The following NCAM2 variants were observed in gnomAD, a reference collection of about 807,000 sequenced individuals.
The protein encoded by NCAM2 is neural cell adhesion molecule 2, also known as N-CAM-2.
A neutral mutation model predicts 98.1 loss-of-function variants in NCAM2; 30 were observed. That is an observed-to-expected ratio of 0.31 (90% CI 0.23 to 0.41). NCAM2 has a LOEUF of 0.41. Among genes scored for constraint, NCAM2 ranks in the 10% least tolerant of loss-of-function variants. The pLI is 1.00. For synonymous variants in NCAM2, 368 were observed against 342.4 expected, an observed-to-expected ratio of 1.07 and a Z score of -0.83; for missense variants, 867 against 1,005.8, an observed-to-expected ratio of 0.86 and a Z score of 1.87.
chr21:21,123,380 G>A (rs1008043080), intron 1 of NCAM2, among the ~76,000 whole-genome samples: 1 of 138,966 alleles, frequency 7.2e-6, no homozygotes, highest in African/African-American at 2.7e-5. Context: ...CTGGGAGACA[G>A]AGCGAAGAGA....
intron 1 of NCAM2, among the ~76,000 whole-genome samples, chr21:21,103,613 C>T (rs1269605715): frequency 6.6e-6 from 1 of 152,006 alleles, no homozygotes; most frequent in Non-Finnish European, 1.5e-5. Flanking sequence ...ATCCATAATG[C>T]TTCTGTACTT....
intron 7 of NCAM2, among the ~76,000 whole-genome samples, chr21:21,337,928 C>T (rs973185127): frequency 1.3e-5 from 2 of 151,944 alleles, no homozygotes; most frequent in African/African-American, 2.4e-5. Context: ...ATTGTTAAAG[C>T]TTAAGAGAGA....
chr21:21,058,225 AT>A (rs1601234027), intron 1 of NCAM2, among the ~76,000 whole-genome samples: 1 of 31,486 alleles, frequency 3.2e-5, no homozygotes, highest in Non-Finnish European at 1.2e-4. Flanking sequence ...AAAACAAGAT[AT>A]AAAACAGCAG....
intron 12 of NCAM2, among the ~76,000 whole-genome samples, chr21:21,452,309 A>G (rs1007808094): frequency 6.7e-6 from 1 of 149,216 alleles, no homozygotes; most frequent in Non-Finnish European, 1.5e-5. Context: ...ATCTTAATTG[A>G]AATGATATAT....
intron 8 of NCAM2, among the ~76,000 whole-genome samples, chr21:21,360,084 A>G (rs986612177): frequency 6.6e-6 from 1 of 151,946 alleles, no homozygotes; most frequent in Non-Finnish European, 1.5e-5. Context: ...AAAAGAATAC[A>G]TTTGATGAAT....
At chr21:21,471,714 T>C (rs1334272771) in intron 14 of NCAM2, among the ~76,000 whole-genome samples, 9 of 152,020 alleles carry the variant, frequency 5.9e-5, no homozygotes, top group African/African-American at 1.9e-4. Context: ...AGCCTTTAAT[T>C]TGGGTTTCAC....
chr21:21,350,864 G>GATC (rs1386943892), intron 8 of NCAM2, among the ~76,000 whole-genome samples: 26 of 150,332 alleles, frequency 1.7e-4, no homozygotes, highest in Admixed American at 8.6e-4. Flanking sequence ...GAGGCAGGTG[G>GATC]ATCACGAGGT....
intron 1 of NCAM2, among the ~76,000 whole-genome samples, chr21:21,179,802 C>G (rs2068411228): frequency 6.6e-6 from 1 of 152,162 alleles, no homozygotes; most frequent in Admixed American, 6.5e-5. Flanking sequence ...TCAGACATAT[C>G]CCCAGGATGT....
chr21:21,149,729 A>T (rs1222605266), intron 1 of NCAM2, among the ~76,000 whole-genome samples: 1 of 152,024 alleles, frequency 6.6e-6, no homozygotes, highest in Non-Finnish European at 1.5e-5. Context: ...CCATGTCCTT[A>T]CAAAGGACAT....
intron 1 of NCAM2, among the ~76,000 whole-genome samples, chr21:21,083,378 A>T (rs1175074647): frequency 6.6e-6 from 1 of 150,480 alleles, no homozygotes; most frequent in African/African-American, 2.4e-5. Context: ...ATAGATATCC[A>T]AGCCGAACTT....
chr21:21,537,897 T>A lies in NCAM2; in HGVS notation c.2454T>A (p.Thr818=), dbSNP rs763840585. ...GGAAAGAAGCTCTAAATCCAGAAACTATAGAAATTAAAGTTTCTAACGACA... is the reference window on the plus strand; with the variant it reads ...GGAAAGAAGCTCTAAATCCAGAAACAATAGAAATTAAAGTTTCTAACGACA... ...EDGKEALNPE[T]IEIKVSNDII... is the part of the protein sequence containing the mutation. The change falls in exon 18 of 18, where the codon ACT becomes ACA. Residue 818 remains threonine (T), a synonymous_variant. Coordinates refer to ENST00000400546, the MANE Select transcript of NCAM2 (RefSeq NM_004540.5). 6.3e-7 allele frequency: 1 copy of A among 1,583,006 alleles called. No individual in the cohort carries two copies. The highest frequency in any genetic ancestry group is 8.6e-7 in the Non-Finnish European group (1 of 1,165,668).
chr21:21,235,569 ATCTT>A (rs2070787047), intron 1 of NCAM2, among the ~76,000 whole-genome samples: 1 of 152,094 alleles, frequency 6.6e-6, no homozygotes, highest in Non-Finnish European at 1.5e-5. Flanking sequence ...TAGTCAATCT[ATCTT>A]CAAATCAGTT....
intron 1 of NCAM2, among the ~76,000 whole-genome samples, chr21:21,269,624 A>G (rs1262558748): frequency 6.6e-6 from 1 of 152,332 alleles, no homozygotes; most frequent in Non-Finnish European, 1.5e-5. Flanking sequence ...AGTTCATGTT[A>G]CAGTAATTTT....
At chr21:21,167,922 A>G (rs1281230158) in intron 1 of NCAM2, among the ~76,000 whole-genome samples, 1 of 152,156 alleles carries the variant, frequency 6.6e-6, no homozygotes, top group Non-Finnish European at 1.5e-5. Flanking sequence ...CTTTCAAAGT[A>G]TAGAAGCAGA....
intron 1 of NCAM2, among the ~76,000 whole-genome samples, chr21:21,007,966 C>G (rs2064140915): frequency 1.3e-5 from 2 of 152,104 alleles, no homozygotes; most frequent in South Asian, 4.1e-4. Context: ...ATTTTTATAT[C>G]CATTCTCTCA....
chr21:21,206,241 C>A (rs902890149), intron 1 of NCAM2, among the ~76,000 whole-genome samples: 3 of 152,026 alleles, frequency 2.0e-5, no homozygotes, highest in Non-Finnish European at 4.4e-5. Context: ...GTTATAAATT[C>A]TTATTTTGTA....
chr21:21,081,115 C>T (rs1027617800), intron 1 of NCAM2, among the ~76,000 whole-genome samples: 5 of 152,156 alleles, frequency 3.3e-5, no homozygotes, highest in South Asian at 2.1e-4. Flanking sequence ...GGCCTGCTTG[C>T]GCTTGGGAGG....
chr21:21,346,999 T>C (rs2075207929), intron 8 of NCAM2, among the ~76,000 whole-genome samples: 1 of 151,462 alleles, frequency 6.6e-6, no homozygotes, highest in Non-Finnish European at 1.5e-5. Flanking sequence ...AACACAAAAT[T>C]AGTAGAAGAA....
intron 1 of NCAM2, among the ~76,000 whole-genome samples, chr21:21,081,262 C>T (rs2146405394): frequency 6.6e-6 from 1 of 152,262 alleles, no homozygotes; most frequent in South Asian, 2.1e-4. Flanking sequence ...TGCTGGAGCT[C>T]ACTCACCCAA....
Sources: gnomAD v4.1 joint callset for allele counts (sites outside exome capture counted in the v4.1 genomes callset) on GRCh38, gnomAD v4.1.1 for gene constraint, MANE v1.5 for transcripts, NCBI Gene and HGNC (gene_info 2026-07-23, HGNC 2026-07-21) for gene names.